The following STARD13 variants were observed in gnomAD, a reference collection of about 807,000 sequenced individuals.
STARD13 encodes stAR-related lipid transfer protein 13.
STARD13 carries 62 observed loss-of-function variants against 106.4 expected under a neutral mutation model. The observed-to-expected ratio is 0.58, with a 90% CI of 0.48 to 0.72. The LOEUF is 0.72. Among genes scored for constraint, STARD13 ranks in the 30% least tolerant of loss-of-function variants. The pLI is 0.00. For missense variants in STARD13, 1,387 were observed against 1,424.0 expected (o/e 0.97, Z 0.42); for synonymous variants, 565 against 553.0 (o/e 1.02, Z -0.31).
chr13:33,489,450 A>C, the STARD13 span, among the ~76,000 whole-genome samples: 1 of 152,238 alleles, frequency 6.6e-6, no homozygotes, highest in African/African-American at 2.4e-5. Flanking sequence ...AAAGCTAAGA[A>C]GCCATCATAT....
chr13:33,348,307 A>G (rs2138617759), downstream of STARD13, among the ~76,000 whole-genome samples: 1 of 152,286 alleles, frequency 6.6e-6, no homozygotes, highest in East Asian at 1.9e-4. Flanking sequence ...TCTACAGTTT[A>G]TTTCCCAGGA....
the STARD13 span, among the ~76,000 whole-genome samples, chr13:33,606,200 C>T: frequency 0.054 from 8,194 of 152,140 alleles, 355 homozygotes; most frequent in East Asian, 0.25. Context: ...ACTCAGGAGG[C>T]TGAGACAGGA....
At chr13:33,209,217 C>A (rs1415044508) in intron 1 of STARD13, among the ~76,000 whole-genome samples, 1 of 152,166 alleles carries the variant, frequency 6.6e-6, no homozygotes, top group Non-Finnish European at 1.5e-5. Flanking sequence ...AGTGTACAAC[C>A]TACGCAAATG....
chr13:33,209,228 T>G (rs1440350820), intron 1 of STARD13, among the ~76,000 whole-genome samples: 2 of 152,144 alleles, frequency 1.3e-5, no homozygotes, highest in African/African-American at 4.8e-5. Context: ...TACGCAAATG[T>G]ATATGGTGTC....
At chr13:33,634,291 T>C in the STARD13 span, among the ~76,000 whole-genome samples, 1 of 152,188 alleles carries the variant, frequency 6.6e-6, no homozygotes, top group Non-Finnish European at 1.5e-5. Context: ...GATCACCCCA[T>C]GAATTACTGA....
intron 1 of STARD13, among the ~76,000 whole-genome samples, chr13:33,196,644 A>G (rs1376890252): frequency 6.6e-6 from 1 of 152,172 alleles, no homozygotes; most frequent in Admixed American, 6.5e-5. Flanking sequence ...TGTGAGCTAC[A>G]TTGCTTATCT....
intron 3 of STARD13, among the ~76,000 whole-genome samples, chr13:33,152,924 T>C (rs1224296281): frequency 6.6e-6 from 1 of 152,172 alleles, no homozygotes; most frequent in East Asian, 1.9e-4. Flanking sequence ...TGGGTGGCTG[T>C]ATCAAATCTT....
chr13:33,476,139 G>T, the STARD13 span, among the ~76,000 whole-genome samples: 1 of 152,020 alleles, frequency 6.6e-6, no homozygotes, highest in Admixed American at 6.5e-5. Context: ...AATTGGCCTT[G>T]TCCTTAAGAA....
chr13:33,538,510 G>C, the STARD13 span, among the ~76,000 whole-genome samples: 1 of 152,122 alleles, frequency 6.6e-6, no homozygotes. Context: ...CTAAAAACCA[G>C]TTTGAAATAA....
downstream of STARD13, among the ~76,000 whole-genome samples, chr13:33,344,298 G>T (rs1459085563): frequency 1.3e-5 from 2 of 152,096 alleles, no homozygotes; most frequent in East Asian, 3.8e-4. Flanking sequence ...TCTTGACTTA[G>T]ATTTTTTTGT....
intron 1 of STARD13, among the ~76,000 whole-genome samples, chr13:33,217,386 G>C (rs1323055734): frequency 1.3e-5 from 2 of 152,062 alleles, no homozygotes; most frequent in East Asian, 1.9e-4. Flanking sequence ...TCCACTGCTT[G>C]GCCTCTTCAA....
the STARD13 span, among the ~76,000 whole-genome samples, chr13:33,650,164 A>ATGCTTTTTTTTTT: frequency 2.1e-5 from 1 of 48,358 alleles, no homozygotes. Flanking sequence ...CGTGACTCCA[A>ATGCTTTTTTTTTT]TTTTTTTTTT....
intron 1 of STARD13, among the ~76,000 whole-genome samples, chr13:33,180,143 T>C (rs1369678283): frequency 1.3e-5 from 2 of 152,248 alleles, no homozygotes; most frequent in Non-Finnish European, 2.9e-5. Flanking sequence ...CACAATGCAG[T>C]GCTCTTTAAC....
At chr13:33,614,270 CGTGTGTGTGTGT>C in the STARD13 span, among the ~76,000 whole-genome samples, 2 of 145,152 alleles carry the variant, frequency 1.4e-5, no homozygotes, top group African/African-American at 5.2e-5. Flanking sequence ...ATACATTCTC[CGTGTGTGTGTGT>C]GTGTGTGTGT....
chr13:33,349,856 G>A (rs577284179), intron 1 of STARD13, among the ~76,000 whole-genome samples: 7 of 152,202 alleles, frequency 4.6e-5, no homozygotes, highest in Non-Finnish European at 1.0e-4. Flanking sequence ...TCCCTCCCGC[G>A]CATTCAGTGG....
the STARD13 span, among the ~76,000 whole-genome samples, chr13:33,488,739 G>A: frequency 5.3e-4 from 80 of 152,184 alleles, 1 homozygote; most frequent in African/African-American, 1.9e-3. Context: ...TCCAACTACT[G>A]GAATCCTATC....
chr13:33,363,497 C>T, the STARD13 span, among the ~76,000 whole-genome samples: 1 of 152,348 alleles, frequency 6.6e-6, no homozygotes, highest in East Asian at 1.9e-4. Flanking sequence ...GAAACAGTCA[C>T]AGTGGTTAGC....
At chr13:33,574,340 G>A in the STARD13 span, among the ~76,000 whole-genome samples, 5 of 152,136 alleles carry the variant, frequency 3.3e-5, no homozygotes, top group African/African-American at 9.7e-5. Flanking sequence ...ATCTCACTGG[G>A]AGGATTTTGG....
downstream of STARD13, among the ~76,000 whole-genome samples, chr13:33,345,240 A>T (rs1356109230): frequency 6.6e-6 from 1 of 152,246 alleles, no homozygotes; most frequent in Non-Finnish European, 1.5e-5. Flanking sequence ...AAGCCCATAC[A>T]CTAAAGAGTG....
Sources: gnomAD v4.1 joint callset for allele counts (sites outside exome capture counted in the v4.1 genomes callset) on GRCh38, gnomAD v4.1.1 for gene constraint, MANE v1.5 for transcripts, NCBI Gene and HGNC (gene_info 2026-07-23, HGNC 2026-07-21) for gene names.